The following LILRA2 variants were observed in gnomAD, a reference collection of about 807,000 sequenced individuals.
LILRA2 encodes leukocyte immunoglobulin like receptor A2, also known as leukocyte immunoglobulin-like receptor subfamily A member 2.
A neutral mutation model predicts 47.9 loss-of-function variants in LILRA2; 45 were observed. The ratio of observed to expected loss-of-function variants is 0.94; its 90% CI spans 0.74 to 1.20. LILRA2 has a LOEUF of 1.20. Ranked by LOEUF, LILRA2 falls within the 50% of genes most tolerant of loss-of-function variation. The pLI is 0.00. For missense variants in LILRA2, 651 were observed against 598.2 expected, an observed-to-expected ratio of 1.09 and a Z score of -0.92; for synonymous variants, 279 against 249.2, an observed-to-expected ratio of 1.12 and a Z score of -1.13.
At chr19:54,582,123 G>A (rs1486364420) in intron 6 of LILRA2, among the ~76,000 whole-genome samples, 2 of 152,212 alleles carry the variant, frequency 1.3e-5, no homozygotes, top group Non-Finnish European at 2.9e-5. Flanking sequence ...CAGGGATGAA[G>A]CTGACTTGGT....
intron 6 of LILRA2, 52 bp downstream of exon 6, chr19:54,576,161 T>C (rs757161577): frequency 6.2e-7 from 1 of 1,605,588 alleles, no homozygotes; most frequent in Admixed American, 1.7e-5. Flanking sequence ...GCTCAGGCCC[T>C]GCCCCCAGCA....
intron 4 of LILRA2, 51 bp from the exon 5 acceptor site, chr19:54,575,205 G>C (rs1003937826): frequency 1.3e-6 from 2 of 1,567,568 alleles, no homozygotes; most frequent in East Asian, 4.5e-5. Flanking sequence ...GGGAGGGTTT[G>C]TGGGGAAGCC....
At chr19:54,586,975 G>C (rs761546542) in intron 6 of LILRA2, 35 bp from the exon 7 acceptor site, 3 of 1,558,732 alleles carry the variant, frequency 1.9e-6, no homozygotes, top group East Asian at 4.5e-5. Flanking sequence ...AGTGAGGCTG[G>C]GCTCAGGGCT....
intron 6 of LILRA2, among the ~76,000 whole-genome samples, chr19:54,583,822 A>G (rs1226316198): frequency 1.3e-5 from 2 of 152,138 alleles, no homozygotes; most frequent in Non-Finnish European, 2.9e-5. Flanking sequence ...TTATGATGTT[A>G]GCTGGTTATT....
At position 54,589,588 on chromosome 19, in the gene LILRA2, A is replaced by T. The variant is rs1273553935; in HGVS notation, c.*2242A>T. The T allele has an allele frequency of 2.6e-5, 4 of 152,192 alleles. No homozygotes were observed. The highest frequency in any genetic ancestry group is 9.7e-5 in the African/African-American group (4 of 41,426). 9.4% of individuals were successfully genotyped at this position (152,192 alleles called of 1,614,324 possible). ...ATACTGCTCAAAGAAATAACAAAAG[A>T]CCTAAATGAGGAAAAAGTCATCCCA... On this transcript the variant is annotated 3_prime_UTR_variant, in exon 8 of 8. Coordinates refer to ENST00000391738, the MANE Select transcript of LILRA2 (RefSeq NM_001130917.3).
chr19:54,576,731 G>A (rs1157449979), intron 6 of LILRA2, among the ~76,000 whole-genome samples: 5 of 152,270 alleles, frequency 3.3e-5, no homozygotes, highest in East Asian at 1.9e-4. Context: ...CCCAGGAGCC[G>A]TCACCTCTCA....
intron 3 of LILRA2, 46 bp downstream of exon 3, chr19:54,574,628 A>G: frequency 6.2e-7 from 1 of 1,607,212 alleles, no homozygotes; most frequent in African/African-American, 1.3e-5. Context: ...TGCCCTCAGG[A>G]AGGGGGTCGG....
rs768895218 is a variant in LILRA2, at chr19:54,574,797, C to T, written c.419C>T (p.Thr140Ile). Reference protein sequence around the residue: ...SPVVTSGGNVTLQCVSQVAFD... With the variant: ...SPVVTSGGNVILQCVSQVAFD... ...GTGGTGACCTCAGGAGGGAACGTGACCCTCCAGTGTGTCTCACAGGTGGCA... is the reference window on the plus strand; with the variant it reads ...GTGGTGACCTCAGGAGGGAACGTGATCCTCCAGTGTGTCTCACAGGTGGCA... The change falls in exon 4 of 8, where the codon ACC becomes ATC. Residue 140 changes from threonine (T) to isoleucine (I), a missense_variant. Coordinates refer to ENST00000391738, the MANE Select transcript of LILRA2 (RefSeq NM_001130917.3). 2.0e-5 allele frequency: 33 copies of T among 1,614,158 alleles called. No homozygotes were observed. In the Admixed American group the frequency reaches 3.0e-4, roughly 15 times the overall value.
Position 54,575,011 on chromosome 19 carries a change from T to A in LILRA2, c.633T>A (p.Asp211Glu), listed in dbSNP as rs752284633. ...CCTATGTGTGGTCTCTACCCAGTGA[T>A]CTCCTGGAGCTCCTGGTCCCAGGTG... ...NSPYVWSLPSDLLELLVPGVS... is the reference protein window; with the variant it reads ...NSPYVWSLPSELLELLVPGVS... Residue 211 changes from aspartate to glutamate, a missense_variant, in exon 4 of 8, where the codon GAT becomes GAA. Physicochemically the swap from Asp to Glu is conservative, Grantham distance 45 (BLOSUM62 2). Transcript: ENST00000391738. 3.7e-6 allele frequency: 6 copies of A among 1,613,826 alleles called. No homozygotes were observed. The highest frequency in any genetic ancestry group is 3.3e-5 in the Admixed American group (2 of 59,996).
Position 54,583,338 on chromosome 19 carries a change from C to T in LILRA2, c.1256-3672C>T, listed in dbSNP as rs574405805. ...TTCAAGTCCTGGATATCCTTGTTAA[C>T]CTTATGTGTCATTGATCTAATATTG... On this transcript the variant is annotated intron_variant, in intron 6 of 7. Transcript: ENST00000391738. Among the ~76,000 whole-genome samples, 3 of 152,190 alleles carry T rather than the reference C, an allele frequency of 2.0e-5. No homozygotes were observed. In the East Asian group the frequency reaches 5.8e-4, roughly 29 times the overall value.
chr19:54,577,828 T>C (rs1215396828), intron 6 of LILRA2: 1 of 643,606 alleles, frequency 1.6e-6, no homozygotes, highest in Non-Finnish European at 2.1e-6. Context: ...AAAACAGTAT[T>C]TGAATATATG....
intron 6 of LILRA2, among the ~76,000 whole-genome samples, chr19:54,585,198 C>T (rs1340067008): frequency 8.5e-5 from 13 of 152,168 alleles, no homozygotes; most frequent in Admixed American, 8.5e-4. Context: ...GTCTGTTGGC[C>T]CCTACTGGGA....
At chr19:54,585,066 T>C (rs1052552598) in intron 6 of LILRA2, among the ~76,000 whole-genome samples, 2 of 152,126 alleles carry the variant, frequency 1.3e-5, no homozygotes, top group African/African-American at 4.8e-5. Context: ...TTGCTGGAGG[T>C]CCAGTCCAGC....
intron 6 of LILRA2, among the ~76,000 whole-genome samples, chr19:54,585,556 G>A (rs112221509): frequency 5.3e-5 from 8 of 152,188 alleles, no homozygotes; most frequent in East Asian, 1.9e-4. Flanking sequence ...AGACTGCTGC[G>A]CTAGCAGTGA....
rs201947384 is a variant in LILRA2 at position 54,575,567 on chromosome 19, G to A, written c.952+15G>A. The stretch of plus-strand genomic sequence containing the variant: ...CCTGATCACAGGTGAGGAGCCCAGC[G>A]GGTTCAGTCAGGGACCCAGGCTCTG... On this transcript the variant is annotated intron_variant, in intron 5 of 7. Coordinates refer to ENST00000391738, the MANE Select transcript of LILRA2 (RefSeq NM_001130917.3). 1,938 of 1,610,850 alleles carry A rather than the reference G, an allele frequency of 1.2e-3. 2 individuals are homozygous for A. Among genetic ancestry groups the A allele is most frequent in the Non-Finnish European group, 1.4e-3 (1,694 of 1,179,334 alleles).
intron 6 of LILRA2, among the ~76,000 whole-genome samples, chr19:54,584,731 CT>C (rs1380196814): frequency 6.6e-6 from 1 of 152,174 alleles, no homozygotes; most frequent in Non-Finnish European, 1.5e-5. Flanking sequence ...GCTTCTTTAG[CT>C]TGAAGAAGTT....
chr19:54,585,149 C>T (rs75914866), intron 6 of LILRA2, among the ~76,000 whole-genome samples: 1,759 of 152,230 alleles, frequency 0.012, 33 homozygotes, highest in African/African-American at 0.039. Flanking sequence ...CCCTTCCTTT[C>T]GAAGCTTCAT....
rs748396800 is a variant in LILRA2, at chr19:54,577,552, G to A, written c.1255+1443G>A. The A allele has an allele frequency of 3.1e-6, 4 of 1,289,668 alleles. No individual in the cohort carries two copies. In the South Asian group the frequency reaches 3.7e-5, roughly 12 times the overall value. 79.9% of individuals were successfully genotyped at this position (1,289,668 alleles called of 1,614,324 possible). A position where few individuals can be genotyped will look rare whatever the true frequency, so the allele number is the denominator to read the frequency against. On this transcript the variant is annotated intron_variant, in intron 6 of 7. Coordinates refer to ENST00000391738, the MANE Select transcript of LILRA2 (RefSeq NM_001130917.3). ...GAGGAGGCTGCTTGGGCCTCGGTGG[G>A]ATCTGACTGTGATGAGGCTGGAGTC...
chr19:54,588,229 T>A lies in LILRA2; in HGVS notation c.*883T>A, dbSNP rs1980277613. 6.6e-6 allele frequency: 1 copy of A among 152,190 alleles called. No individual in the cohort carries two copies. The highest frequency in any genetic ancestry group is 2.4e-5 in the African/African-American group (1 of 41,442). The allele number at this position is 152,190 out of a possible 1,614,324, so 9.4% of individuals were successfully genotyped here. The stretch of plus-strand genomic sequence containing the variant: ...GTGTTATGGCACAGGTCAAATGAAA[T>A]TCTGACACTGTTATCCTAGCATATC... On this transcript the variant is annotated 3_prime_UTR_variant, in exon 8 of 8. Coordinates refer to ENST00000391738, the MANE Select transcript of LILRA2 (RefSeq NM_001130917.3).
Sources: gnomAD v4.1 joint callset for allele counts (sites outside exome capture counted in the v4.1 genomes callset) on GRCh38, gnomAD v4.1.1 for gene constraint, MANE v1.5 for transcripts, NCBI Gene and HGNC (gene_info 2026-07-23, HGNC 2026-07-21) for gene names.